The following SUSD2 variants were observed in gnomAD, a reference collection of about 807,000 sequenced individuals.
The protein encoded by SUSD2 is sushi domain-containing protein 2.
A neutral mutation model predicts 93.8 loss-of-function variants in SUSD2; 86 were observed. The ratio of observed to expected loss-of-function variants is 0.92; its 90% CI spans 0.77 to 1.10. The LOEUF is 1.10. Among genes scored for constraint, SUSD2 ranks in the 50% least tolerant of loss-of-function variants. SUSD2 has a pLI of 0.00. For missense variants in SUSD2, 1,060 were observed against 1,137.0 expected, an observed-to-expected ratio of 0.93 and a Z score of 0.97; for synonymous variants, 483 against 485.0, an observed-to-expected ratio of 1.00 and a Z score of 0.05.
rs114306221 is a variant in SUSD2 at position 24,184,929 on chromosome 22, C to T, written c.771C>T (p.Tyr257=). The part of the protein sequence containing the change: ...GALRIIDSKN[Y]AGQKDVQALW... ...TTCGGATCATCGACAGCAAAAATTA[C>T]GCAGGGCAGAAGTAAGAAGGCATGG... is the stretch of plus-strand genomic sequence containing the variant. The change falls in exon 5 of 15, where the codon TAC becomes TAT. Residue 257 remains tyrosine, a synonymous_variant. Coordinates refer to ENST00000358321, the MANE Select transcript of SUSD2 (RefSeq NM_019601.4). The T allele has an allele frequency of 0.016, 26,055 of 1,613,530 alleles. 261 individuals are homozygous for T. Among genetic ancestry groups the T allele is most frequent in the Middle Eastern group, 0.023 (142 of 6,054 alleles).
At chr22:24,183,339 C>T (rs1166548534) in intron 2 of SUSD2, 72 bp downstream of exon 2, 20 of 1,555,494 alleles carry the variant, frequency 1.3e-5, no homozygotes, top group Non-Finnish European at 1.7e-5. Flanking sequence ...GGCTCAGACC[C>T]ACTGACTGGC....
intron 2 of SUSD2, 26 bp downstream of exon 2, chr22:24,183,293 C>A (rs1320677653): frequency 6.3e-7 from 1 of 1,598,468 alleles, no homozygotes; most frequent in Non-Finnish European, 8.6e-7. Flanking sequence ...AGGCCGGGCA[C>A]TGGGGCCCCA....
intron 10 of SUSD2, 101 bp downstream of exon 10, chr22:24,186,516 T>G: frequency 1.4e-6 from 2 of 1,431,680 alleles, no homozygotes; most frequent in South Asian, 2.7e-5. Flanking sequence ...CCTCTCCCAG[T>G]CCTGGCTAGA....
Position 24,185,081 on chromosome 22 carries a change from A to T in SUSD2, c.783-13A>T. On this transcript the variant is annotated splice_polypyrimidine_tract_variant and intron_variant, in intron 5 of 14. Coordinates refer to ENST00000358321, the MANE Select transcript of SUSD2 (RefSeq NM_019601.4). Reference sequence around the variant, plus strand: ...TGTGGGCTGGCCCAGCTCCAGCATCATCACCTCCACAGGGACGTGCAGGCG... The same window carrying T: ...TGTGGGCTGGCCCAGCTCCAGCATCTTCACCTCCACAGGGACGTGCAGGCG... 2 of 1,612,894 alleles carry T rather than the reference A, an allele frequency of 1.2e-6. No homozygotes were observed. Among genetic ancestry groups the T allele is most frequent in the Non-Finnish European group, 1.7e-6 (2 of 1,179,732 alleles).
chr22:24,183,281 G>C lies in SUSD2; in HGVS notation c.287+14G>C. 6.2e-7 allele frequency: 1 copy of C among 1,607,184 alleles called. No individual in the cohort carries two copies. The highest frequency in any genetic ancestry group is 1.1e-5 in the South Asian group (1 of 90,842). On this transcript the variant is annotated intron_variant, in intron 2 of 14. Transcript: ENST00000358321. ...TGTGATCTGCAGGTTGGGAGGCCCAGGAGGCCGGGCACTGGGGCCCCACGC... is the reference window on the plus strand; with the variant it reads ...TGTGATCTGCAGGTTGGGAGGCCCACGAGGCCGGGCACTGGGGCCCCACGC...
chr22:24,186,071 C>T lies in SUSD2; in HGVS notation c.1395C>T (p.Phe465=). Residue 465 remains phenylalanine (F), a synonymous_variant, in exon 9 of 15, where the codon TTC becomes TTT. Transcript: ENST00000358321. Reference sequence around the variant, plus strand: ...CCTTCGACGGCACCAACTTCACATTCAATGGGCGCGGAGAGTACGTGCTGC... The same window carrying T: ...CCTTCGACGGCACCAACTTCACATTTAATGGGCGCGGAGAGTACGTGCTGC... ...FVTFDGTNFT[F]NGRGEYVLLE... The T allele has an allele frequency of 6.2e-7, 1 of 1,612,622 alleles. No individual in the cohort carries two copies.
chr22:24,182,144 G>T (rs1207182977), intron 1 of SUSD2, among the ~76,000 whole-genome samples: 1 of 152,210 alleles, frequency 6.6e-6, no homozygotes, highest in Non-Finnish European at 1.5e-5. Flanking sequence ...GGTGAAGTGG[G>T]GCCAGCGGGG....
At chr22:24,185,972 T>G (rs369633812) in intron 8 of SUSD2, 43 bp downstream of exon 8, 8 of 1,577,210 alleles carry the variant, frequency 5.1e-6, no homozygotes, top group Non-Finnish European at 2.6e-6. Context: ...AAGATCGGGC[T>G]GGGCTGGGGT....
Position 24,187,823 on chromosome 22 carries a change from G to A in SUSD2, c.2144G>A (p.Arg715His), listed in dbSNP as rs140973012. Residue 715 changes from arginine to histidine, a missense_variant, in exon 12 of 15, where the codon CGC becomes CAC. By Grantham distance (29) the Arg-to-His change is conservative. This residue lies in a region of SUSD2 where 973 missense variants were observed against 1,005.3 expected (regional missense o/e 0.97). Coordinates refer to ENST00000358321, the MANE Select transcript of SUSD2 (RefSeq NM_019601.4). ...TRVAHQLHQR[R>H]MQSLQPVVSC... ...GTGGCCCACCAGCTGCACCAGCGTC[G>A]CATGCAGAGCCTGCAGCCAGGTGAG... 2.0e-5 allele frequency: 32 copies of A among 1,612,100 alleles called. No homozygotes were observed. Among genetic ancestry groups the A allele is most frequent in the Admixed American group, 1.2e-4 (7 of 59,958 alleles).
At position 24,186,300 on chromosome 22, in the gene SUSD2, G is replaced by A. The variant is rs1324284459; in HGVS notation, c.1527G>A (p.Gln509=). Residue 509 remains glutamine, a synonymous_variant, in exon 10 of 15, where the codon CAG becomes CAA. Transcript: ENST00000358321. ...RGTGLTAVAV[Q]EGNSDVVEVR... ...CTGGGCTGACCGCAGTGGCCGTCCA[G>A]GAGGGCAACTCAGATGTGGTGGAAG... 3.1e-6 allele frequency: 5 copies of A among 1,613,786 alleles called. No homozygotes were observed. The highest frequency in any genetic ancestry group is 4.2e-6 in the Non-Finnish European group (5 of 1,180,052).
chr22:24,182,691 A>G (rs2236623), intron 1 of SUSD2: 54,343 of 213,862 alleles, frequency 0.25, 8,752 homozygotes, highest in African/African-American at 0.47. Flanking sequence ...CGAGGGCTCC[A>G]GCTACCGTGG....
At position 24,187,801 on chromosome 22, in the gene SUSD2, G is replaced by A. The variant is rs543312839; in HGVS notation, c.2122G>A (p.Ala708Thr). 1 of 1,608,432 alleles carries A rather than the reference G, an allele frequency of 6.2e-7. No homozygotes were observed. Among genetic ancestry groups the A allele is most frequent in the East Asian group, 2.2e-5 (1 of 44,576 alleles). The change falls in exon 12 of 15, where the codon GCC becomes ACC. Residue 708 changes from alanine (A) to threonine (T), a missense_variant. Coordinates refer to ENST00000358321, the MANE Select transcript of SUSD2 (RefSeq NM_019601.4). ...GAGCACGGGCACTGCCACTCGGGTG[G>A]CCCACCAGCTGCACCAGCGTCGCAT... Reference protein sequence around the residue: ...SLSTGTATRVAHQLHQRRMQS... With the variant: ...SLSTGTATRVTHQLHQRRMQS...
chr22:24,188,592 G>A lies in SUSD2; in HGVS notation c.*156G>A. 1 of 691,246 alleles carries A rather than the reference G, an allele frequency of 1.4e-6. No individual in the cohort carries two copies. Among genetic ancestry groups the A allele is most frequent in the Non-Finnish European group, 2.4e-6 (1 of 412,586 alleles). The allele number at this position is 691,246 out of a possible 1,614,324, so 42.8% of individuals were successfully genotyped here. A position where few individuals can be genotyped will look rare whatever the true frequency, so the allele number is the denominator to read the frequency against. ...CTCTGTCATCTCAGACCCCAGGCAG[G>A]AGGCCCAGTGTTCCAACACCCAAGC... On this transcript the variant is annotated 3_prime_UTR_variant, in exon 15 of 15. Transcript: ENST00000358321. This position sits in a 1 kb window ranked among gnomAD's most constrained non-coding sequence, Gnocchi z 4.7.
chr22:24,184,841 G>T lies in SUSD2; in HGVS notation c.683G>T (p.Gly228Val). ...CTGGCCACACACATCCCCAACTCCGGCTCTTTCACTTTCACCCCAAAACCT... is the reference window on the plus strand; with the variant it reads ...CTGGCCACACACATCCCCAACTCCGTCTCTTTCACTTTCACCCCAAAACCT... ...YPLATHIPNS[G>V]SFTFTPKPAP... is the part of the protein sequence containing the mutation. Residue 228 changes from glycine to valine, a missense_variant, in exon 5 of 15, where the codon GGC (glycine) becomes GTC (valine). Physicochemically the swap from Gly to Val is moderately radical, Grantham distance 109. Around this residue, in one of 2 missense-constraint regions of SUSD2, gnomAD observed 973 missense variants for 1,005.3 expected, o/e 0.97. Transcript: ENST00000358321. The T allele has an allele frequency of 6.2e-7, 1 of 1,613,984 alleles. No individual in the cohort carries two copies. Among genetic ancestry groups the T allele is most frequent in the Non-Finnish European group, 8.5e-7 (1 of 1,179,994 alleles).
chr22:24,187,055 C>T, intron 10 of SUSD2, 147 bp from the exon 11 acceptor site: 2 of 1,051,590 alleles, frequency 1.9e-6, no homozygotes, highest in Non-Finnish European at 2.7e-6. Flanking sequence ...GGGTCATGGT[C>T]AGCAGAATTG....
In SUSD2 at chr22:24,186,406, G is replaced by T; in HGVS notation, c.1633G>T (p.Asp545Tyr). Reference protein sequence around the residue: ...VLSFTEQSWMDLKGMFLSVAA... With the variant: ...VLSFTEQSWMYLKGMFLSVAA... ...GAGCTTCACCGAGCAGAGCTGGATG[G>T]ACCTGAAAGGTGAGCAGTCCAGCCA... The change falls in exon 10 of 15, where the codon GAC (aspartate) becomes TAC (tyrosine). Residue 545 changes from aspartate to tyrosine, a missense_variant. Asp to Tyr is a radical substitution (Grantham distance 160). Around this residue, in one of 2 missense-constraint regions of SUSD2, gnomAD observed 973 missense variants for 1,005.3 expected, o/e 0.97. Transcript: ENST00000358321. 2 of 1,613,238 alleles carry T rather than the reference G, an allele frequency of 1.2e-6. No individual in the cohort carries two copies. Among genetic ancestry groups the T allele is most frequent in the Non-Finnish European group, 1.7e-6 (2 of 1,179,990 alleles).
At chr22:24,184,649 C>T in intron 4 of SUSD2, 117 bp from the exon 5 acceptor site, 1 of 836,574 alleles carries the variant, frequency 1.2e-6, no homozygotes, top group Non-Finnish European at 1.9e-6. Context: ...AGAACAGCCC[C>T]TCCTAAGGGG....
chr22:24,182,915 G>C, intron 1 of SUSD2, 142 bp from the exon 2 acceptor site: 3 of 648,344 alleles, frequency 4.6e-6, no homozygotes. Context: ...GTGTCCACCT[G>C]GTGGCCTGTG....
Position 24,188,038 on chromosome 22 carries a change from C to G in SUSD2, c.2244C>G (p.Tyr748Ter). 2 of 1,613,150 alleles carry G rather than the reference C, an allele frequency of 1.2e-6. No individual in the cohort carries two copies. Among genetic ancestry groups the G allele is most frequent in the East Asian group, 4.5e-5 (2 of 44,878 alleles). The change falls in exon 13 of 15, where the codon TAC becomes TAG. Residue 748 changes from tyrosine (Y) to a stop codon, truncating the protein, a stop_gained. Transcript: ENST00000358321. LOFTEE classifies it high-confidence loss of function. The surrounding 1 kb of genome is among the most constrained non-coding windows in gnomAD (Gnocchi z 4.7). Reference sequence around the variant, plus strand: ...GGTACCTGGCGGGTTCCACCATCTACTTCCACTGTGACAACGGCTACAGCC... The same window carrying G: ...GGTACCTGGCGGGTTCCACCATCTAGTTCCACTGTGACAACGGCTACAGCC... ...GNRYLAGSTIYFHCDNGYSLA... is the reference protein window; with the variant it reads ...GNRYLAGSTI
Sources: allele counts gnomAD v4.1 joint callset (sites outside exome capture counted in the v4.1 genomes callset), GRCh38; gene constraint gnomAD v4.1.1; regional missense constraint gnomAD v4.1.1; non-coding constraint Gnocchi (gnomAD v3.1); transcripts MANE v1.5; gene names NCBI Gene and HGNC (gene_info 2026-07-23, HGNC 2026-07-21).